Variants in NBPF26 observed in about 807,000 individuals in gnomAD.
NBPF26 encodes NBPF family member NBPF26.
NBPF26 carries 79 observed loss-of-function variants against 119.6 expected under a neutral mutation model. The observed-to-expected ratio is 0.66, with a 90% CI of 0.55 to 0.80. NBPF26 has a LOEUF of 0.80. NBPF26 is among the 30% of genes least tolerant of loss of function. The probability of loss-of-function intolerance (pLI) is 0.00; values close to 1 mark genes in which losing one functional copy is unlikely to be tolerated. For synonymous variants in NBPF26, 299 were observed against 457.7 expected (o/e 0.65, Z 4.43); for missense variants, 800 against 1,198.2 (o/e 0.67, Z 4.91).
intron 16 of NBPF26, among the ~76,000 whole-genome samples, chr1:120,822,912 T>G (rs1165730243): frequency 8.0e-6 from 1 of 124,230 alleles, no homozygotes. Flanking sequence ...ATTGCACCCT[T>G]TCATCAAATC....
In NBPF26 at chr1:120,812,235, T is replaced by G. The variant is rs1261727602; in HGVS notation, c.1774+140T>G. On this transcript the variant is annotated intron_variant, in intron 10 of 29. Coordinates refer to ENST00000620612, the Ensembl canonical transcript of NBPF26. ...AAACAGAAATGGGTATTTTAACATT[T>G]TGTCAAAGTTGGAAGACAGAGGTAC... 2.7e-5 allele frequency: 15 copies of G among 555,956 alleles called. 3 individuals are homozygous for G. The highest frequency in any genetic ancestry group is 3.9e-5 in the African/African-American group (1 of 25,336). The allele number at this position is 555,956 out of a possible 1,614,324, so 34.4% of individuals were successfully genotyped here. A position where few individuals can be genotyped will look rare whatever the true frequency, so the allele number is the denominator to read the frequency against.
At chr1:120,724,636 G>T (rs1650796453) in intron 1 of NBPF26, among the ~76,000 whole-genome samples, 2 of 121,920 alleles carry the variant, frequency 1.6e-5, no homozygotes, top group African/African-American at 4.2e-5. Context: ...GAGGGGCTGA[G>T]CGAAGGAATG....
At chr1:120,806,576 G>C (rs1238710288) in intron 5 of NBPF26, among the ~76,000 whole-genome samples, 1 of 125,364 alleles carries the variant, frequency 8.0e-6, no homozygotes, top group African/African-American at 3.8e-5. Context: ...ATGGGTGACA[G>C]GGCAAGACTC....
At chr1:120,737,815 C>T (rs1225891350) in intron 1 of NBPF26, among the ~76,000 whole-genome samples, 3 of 117,986 alleles carry the variant, frequency 2.5e-5, no homozygotes, top group African/African-American at 8.4e-5. Context: ...TTTCCCTTGA[C>T]AGTTTGCTTC....
In NBPF26 at chr1:120,821,980, G is replaced by C; in HGVS notation, c.2424-124G>C. 2.7e-6 allele frequency: 3 copies of C among 1,117,132 alleles called. 1 individual carries two copies. The East Asian group carries it at 7.2e-5, about 27-fold the overall frequency. 69.2% of individuals were successfully genotyped at this position (1,117,132 alleles called of 1,614,324 possible). On this transcript the variant is annotated intron_variant, in intron 15 of 29. Coordinates refer to ENST00000620612, the Ensembl canonical transcript of NBPF26. ...GAAGGATAGTTTTATTCCTCTTGAA[G>C]GAAAAATGCCTTTGGTTTCTGTGAC...
chr1:120,820,429 A>G (rs1652103993), intron 15 of NBPF26, among the ~76,000 whole-genome samples: 1 of 34,630 alleles, frequency 2.9e-5, no homozygotes, highest in Non-Finnish European at 5.6e-5. Flanking sequence ...CATGTACCCT[A>G]AGACTTAAAG....
exon 18 of NBPF26, chr1:120,824,126 G>T: frequency 2.2e-6 from 1 of 453,192 alleles, no homozygotes; most frequent in East Asian, 3.1e-5. Context: ...CAGCGTGTTG[G>T]CTTGGCTGTT....
rs1163315370 is a variant in NBPF26 at position 120,729,710 on chromosome 1, T to C, written c.73+5460T>C. ...TAACATTTATCAAGCAGTGTTTCCC[T>C]AACTTCTCTTATGATAAGAATAGCT... On this transcript the variant is annotated intron_variant, in intron 1 of 29. Transcript: ENST00000620612. 9.4e-5 allele frequency among the ~76,000 whole-genome samples: 11 copies of C among 117,614 alleles called. 2 individuals carry two copies. In the East Asian group the frequency reaches 2.1e-3, roughly 23 times the overall value. The allele number at this position is 117,614 out of a possible 152,430, so 77.2% of individuals were successfully genotyped here.
intron 9 of NBPF26, among the ~76,000 whole-genome samples, chr1:120,811,421 T>TGCAA (rs1651862641): frequency 9.0e-6 from 1 of 110,746 alleles, no homozygotes; most frequent in African/African-American, 5.4e-5. Flanking sequence ...ACTTGGCGCT[T>TGCAA]GTAATCCCAG....
In NBPF26 at chr1:120,823,369, G is replaced by C. The variant is rs1553272263; in HGVS notation, c.2639+9G>C. ...GAGGCAACAGGTCCCAGGTGAGTCT[G>C]AGAAATTGTGGACAGTTAATTTGAT... On this transcript the variant is annotated intron_variant, in intron 17 of 29. Transcript: ENST00000620612. 9.9e-5 allele frequency: 135 copies of C among 1,361,998 alleles called. 31 individuals carry two copies. Among genetic ancestry groups the C allele is most frequent in the Non-Finnish European group, 1.2e-4 (126 of 1,014,042 alleles). 84.4% of individuals were successfully genotyped at this position (1,361,998 alleles called of 1,614,324 possible). A position where few individuals can be genotyped will look rare whatever the true frequency, so the allele number is the denominator to read the frequency against.
At position 120,807,802 on chromosome 1, in the gene NBPF26, C is replaced by A. The variant is rs1272982421; in HGVS notation, c.1064+93C>A. ...GGGGAGACGTAAGAGCTAAGCTGGG[C>A]CAGGGGAAGGGCAGGAATTGCCATG... On this transcript the variant is annotated intron_variant, in intron 6 of 29. Transcript: ENST00000620612. 10 of 552,950 alleles carry A rather than the reference C, an allele frequency of 1.8e-5. 1 individual carries two copies. The highest frequency in any genetic ancestry group is 1.3e-4 in the East Asian group (5 of 37,526). 34.3% of individuals were successfully genotyped at this position (552,950 alleles called of 1,614,324 possible). A position where few individuals can be genotyped will look rare whatever the true frequency, so the allele number is the denominator to read the frequency against.
rs1651475888 is a variant in NBPF26, at chr1:120,790,535, C to CCTCT, written c.416-2624_416-2623insCTCT. On this transcript the variant is annotated intron_variant, in intron 3 of 29. Coordinates refer to ENST00000620612, the Ensembl canonical transcript of NBPF26. ...TTGATTCTTTCTTTCTTTCTCCCTC[C>CCTCT]CTTTCTTTCTTTCTTTCTTTCTTTC... 3.9e-5 allele frequency among the ~76,000 whole-genome samples: 3 copies of CCTCT among 76,630 alleles called. 1 individual carries two copies. Among genetic ancestry groups the CCTCT allele is most frequent in the Non-Finnish European group, 6.9e-5 (3 of 43,642 alleles). 50.3% of individuals were successfully genotyped at this position (76,630 alleles called of 152,430 possible). A position where few individuals can be genotyped will look rare whatever the true frequency, so the allele number is the denominator to read the frequency against.
chr1:120,831,787 GTGTC>G (rs1272544147), intron 21 of NBPF26, among the ~76,000 whole-genome samples, 197 bp from the exon 26 acceptor site: 10 of 20,836 alleles, frequency 4.8e-4, no homozygotes, highest in African/African-American at 9.3e-4. Flanking sequence ...GTGTGTGTGT[GTGTC>G]TATCTGTCTT....
Position 120,779,687 on chromosome 1 carries a change from TA to T in NBPF26, c.156-5286del, listed in dbSNP as rs1651340620. 1.6e-5 allele frequency among the ~76,000 whole-genome samples: 2 copies of T among 122,796 alleles called. 1 individual carries two copies. Among genetic ancestry groups the T allele is most frequent in the Non-Finnish European group, 3.3e-5 (2 of 60,584 alleles). 80.6% of individuals were successfully genotyped at this position (122,796 alleles called of 152,430 possible). On this transcript the variant is annotated intron_variant, in intron 2 of 29. Transcript: ENST00000620612. ...CTGGGTAGCTTAATGGAATTATAGA[TA>T]TGTAAGGGGTGTTGGGTGTTTAGCC...
In NBPF26 at chr1:120,817,190, G is replaced by A. The variant is rs1229607189; in HGVS notation, c.2371+363G>A. ...CTATGCCTGTTTAAGGAAGCTGGCAGCCTTGCCTTTGTATTTGGAAATATT... is the reference window on the plus strand; with the variant it reads ...CTATGCCTGTTTAAGGAAGCTGGCAACCTTGCCTTTGTATTTGGAAATATT... On this transcript the variant is annotated intron_variant, in intron 14 of 29. Transcript: ENST00000620612. Among the ~76,000 whole-genome samples, 2 of 116,768 alleles carry A rather than the reference G, an allele frequency of 1.7e-5. 1 individual carries two copies. Among genetic ancestry groups the A allele is most frequent in the Non-Finnish European group, 3.3e-5 (2 of 61,024 alleles). The allele number at this position is 116,768 out of a possible 152,430, so 76.6% of individuals were successfully genotyped here.
intron 5 of NBPF26, among the ~76,000 whole-genome samples, chr1:120,806,160 T>C (rs1651678177): frequency 8.5e-6 from 1 of 117,742 alleles, no homozygotes; most frequent in Admixed American, 8.3e-5. Flanking sequence ...TTCAAGTTTC[T>C]GTTGAGGCCC....
At chr1:120,770,826 G>A (rs1651255494) in intron 2 of NBPF26, among the ~76,000 whole-genome samples, 1 of 117,046 alleles carries the variant, frequency 8.5e-6, no homozygotes, top group South Asian at 2.5e-4. Context: ...AGGAAGTGTG[G>A]AACATTTGAA....
At chr1:120,840,365 G>T in exon 30 of NBPF26, 2 of 1,457,442 alleles carry the variant, frequency 1.4e-6, no homozygotes, top group Admixed American at 1.9e-5. Context: ...ACAGCATGCT[G>T]ATGGAAGTGG....
Position 120,785,254 on chromosome 1 carries a change from CA to C in NBPF26, c.415+22del. The C allele has an allele frequency of 7.6e-6, 11 of 1,443,064 alleles. 1 individual carries two copies. Among genetic ancestry groups the C allele is most frequent in the Non-Finnish European group, 1.0e-5 (11 of 1,079,902 alleles). The allele number at this position is 1,443,064 out of a possible 1,614,324, so 89.4% of individuals were successfully genotyped here. The stretch of plus-strand genomic sequence containing the variant: ...TACAGGTAACTAATGAGACCAAAGC[CA>C]GTGCTTCCCTACCTTCAGCAGATAC... On this transcript the variant is annotated intron_variant, in intron 3 of 29. Coordinates refer to ENST00000620612, the Ensembl canonical transcript of NBPF26.
Sources: gnomAD v4.1 joint callset for allele counts (sites outside exome capture counted in the v4.1 genomes callset) on GRCh38, gnomAD v4.1.1 for gene constraint, MANE v1.5 for transcripts, NCBI Gene and HGNC (gene_info 2026-07-23, HGNC 2026-07-21) for gene names.